SLC39A10: variants seen among roughly 807,000 people sequenced by gnomAD.
SLC39A10 encodes solute carrier family 39 member 10.
In SLC39A10, 13 loss-of-function variants were observed where a neutral mutation model predicts 65.1. That is an observed-to-expected ratio of 0.20 (90% CI 0.13 to 0.32). The LOEUF is 0.32. SLC39A10 is among the 10% of genes least tolerant of loss of function. The probability of loss-of-function intolerance (pLI) is 1.00; values close to 1 mark genes in which losing one functional copy is unlikely to be tolerated. For synonymous variants in SLC39A10, 321 were observed against 342.2 expected (o/e 0.94, Z 0.68); for missense variants, 831 against 1,018.4 (o/e 0.82, Z 2.50).
At chr2:195,657,393 G>A (rs1483781020) in intron 1 of SLC39A10, 112 bp downstream of exon 1, 11 of 985,386 alleles carry the variant, frequency 1.1e-5, no homozygotes, top group Middle Eastern at 5.2e-4. Context: ...GAACAGAACC[G>A]GGGAGTCGGG....
In SLC39A10 at chr2:195,716,725, T is replaced by C. The variant is rs765223191; in HGVS notation, c.1785T>C (p.Asn595=). 10 of 1,613,952 alleles carry C rather than the reference T, an allele frequency of 6.2e-6. No individual in the cohort carries two copies. Among genetic ancestry groups the C allele is most frequent in the Middle Eastern group, 3.3e-4 (2 of 6,084 alleles). Residue 595 remains asparagine, a synonymous_variant, in exon 7 of 10, where the codon AAT becomes AAC. Coordinates refer to ENST00000359634, the MANE Select transcript of SLC39A10 (RefSeq NM_020342.3). ...LEGQQESPPK[N]YLCIEEEKII... is the part of the protein sequence containing the mutation. ...GCCAACAAGAATCCCCTCCTAAAAA[T>C]TACCTTTGTATAGAAGAGGAGAAAA...
At chr2:195,678,903 G>A (rs1054996206) in intron 1 of SLC39A10, among the ~76,000 whole-genome samples, 1 of 152,054 alleles carries the variant, frequency 6.6e-6, no homozygotes, top group African/African-American at 2.4e-5. Context: ...TATGAAATTA[G>A]TTTCATCTAT....
At chr2:195,729,676 A>G (rs569624423) in intron 9 of SLC39A10, among the ~76,000 whole-genome samples, 30 of 152,080 alleles carry the variant, frequency 2.0e-4, no homozygotes, top group African/African-American at 7.0e-4. Context: ...GATTATTTCT[A>G]TTAGCCTATA....
intron 3 of SLC39A10, among the ~76,000 whole-genome samples, chr2:195,693,857 T>TGTTCTTGC (rs1269375964): frequency 2.6e-5 from 4 of 152,226 alleles, no homozygotes; most frequent in Non-Finnish European, 5.9e-5. Flanking sequence ...GGGTTTGGAT[T>TGTTCTTGC]GTTCTTGCTT....
intron 1 of SLC39A10, among the ~76,000 whole-genome samples, chr2:195,674,396 C>T (rs1043251014): frequency 6.6e-6 from 1 of 152,008 alleles, no homozygotes; most frequent in Non-Finnish European, 1.5e-5. Flanking sequence ...TCCTGCCTCA[C>T]CTTCCCGAGT....
intron 3 of SLC39A10, among the ~76,000 whole-genome samples, chr2:195,690,246 G>A (rs549940081): frequency 7.0e-6 from 1 of 142,152 alleles, no homozygotes; most frequent in East Asian, 2.2e-4. Context: ...TACATTACAT[G>A]TATATACCAC....
At chr2:195,621,285 A>G (rs1312443716) in intron 2 of SLC39A10, among the ~76,000 whole-genome samples, 2 of 152,208 alleles carry the variant, frequency 1.3e-5, no homozygotes, top group South Asian at 2.1e-4. Flanking sequence ...ATATAGATAT[A>G]CTATGTTTTT....
chr2:195,666,276 TA>T (rs1277795563), intron 1 of SLC39A10, among the ~76,000 whole-genome samples: 8 of 152,200 alleles, frequency 5.3e-5, no homozygotes, highest in African/African-American at 1.9e-4. Flanking sequence ...ATTTTTTGAT[TA>T]TTTTTTTCCC....
chr2:195,725,269 CAT>C (rs1165125089), intron 8 of SLC39A10, among the ~76,000 whole-genome samples: 2 of 152,026 alleles, frequency 1.3e-5, no homozygotes, highest in Non-Finnish European at 2.9e-5. Flanking sequence ...GGAAAACAGT[CAT>C]AAAATACACT....
chr2:195,735,805 AT>A lies in SLC39A10; in HGVS notation c.*782del, dbSNP rs55916294. ...TGTTTTTTACTTTAATTTTGTTTTG[AT>A]TTTTTTTTTTTTTTTTTGGCGGGGG... is the stretch of plus-strand genomic sequence containing the variant. On this transcript the variant is annotated 3_prime_UTR_variant, in exon 10 of 10. Transcript: ENST00000359634. 57,197 of 124,152 alleles carry A rather than the reference AT, an allele frequency of 0.46. 12,879 individuals carry two copies. Among genetic ancestry groups the A allele is most frequent in the Non-Finnish European group, 0.54 (32,586 of 59,996 alleles). 7.7% of individuals were successfully genotyped at this position (124,152 alleles called of 1,614,324 possible).
At chr2:195,732,852 T>C (rs181093655) in intron 9 of SLC39A10, among the ~76,000 whole-genome samples, 40 of 152,298 alleles carry the variant, frequency 2.6e-4, no homozygotes, top group Admixed American at 1.2e-3. Flanking sequence ...AAAGCTGCCA[T>C]AGACAATGTG....
chr2:195,729,961 A>ATTTTTTTTTTTTTTT (rs58936616), intron 9 of SLC39A10, among the ~76,000 whole-genome samples: 2 of 92,136 alleles, frequency 2.2e-5, no homozygotes, highest in Non-Finnish European at 4.0e-5. Context: ...ACCATGCCTA[A>ATTTTTTTTTTTTTTT]TTTTTTTTTT....
At chr2:195,672,318 A>G (rs1255934691) in intron 1 of SLC39A10, among the ~76,000 whole-genome samples, 2 of 151,974 alleles carry the variant, frequency 1.3e-5, no homozygotes, top group Non-Finnish European at 2.9e-5. Context: ...TTTTGTAGAG[A>G]TAAGCTCTCA....
chr2:195,620,282 A>G (rs1688323520), intron 2 of SLC39A10, among the ~76,000 whole-genome samples: 1 of 152,240 alleles, frequency 6.6e-6, no homozygotes, highest in Admixed American at 6.5e-5. Context: ...AACCAAGATC[A>G]TTAAAGGGTT....
At chr2:195,714,406 A>G (rs1306796715) in intron 6 of SLC39A10, among the ~76,000 whole-genome samples, 1 of 152,208 alleles carries the variant, frequency 6.6e-6, no homozygotes, top group Non-Finnish European at 1.5e-5. Context: ...GCTAGGAGCC[A>G]TATGATTAAA....
At chr2:195,662,250 A>G (rs1302409346) in intron 1 of SLC39A10, among the ~76,000 whole-genome samples, 2 of 151,190 alleles carry the variant, frequency 1.3e-5, no homozygotes, top group Admixed American at 6.6e-5. Flanking sequence ...AACATCAGAG[A>G]TATGTATCCT....
At chr2:195,650,727 C>T (rs1559015494) in intron 2 of SLC39A10, among the ~76,000 whole-genome samples, 1 of 152,000 alleles carries the variant, frequency 6.6e-6, no homozygotes, top group Non-Finnish European at 1.5e-5. Flanking sequence ...CTGCAAATAG[C>T]CTGAAACTCG....
intron 1 of SLC39A10, 70 bp downstream of exon 1, chr2:195,657,351 G>C (rs903901301): frequency 2.0e-6 from 2 of 980,502 alleles, no homozygotes; most frequent in East Asian, 2.3e-4. Flanking sequence ...CGGAGACTGC[G>C]AGTCCCGGGA....
intron 1 of SLC39A10, chr2:195,657,566 A>G: frequency 2.0e-6 from 2 of 983,800 alleles, no homozygotes; most frequent in Non-Finnish European, 2.4e-6. Context: ...GGCGGCATCC[A>G]CTTCGCGTGC....
Sources: allele counts gnomAD v4.1 joint callset (sites outside exome capture counted in the v4.1 genomes callset), GRCh38; gene constraint gnomAD v4.1.1; transcripts MANE v1.5; gene names NCBI Gene and HGNC (gene_info 2026-07-23, HGNC 2026-07-21).